Variants in FER observed in about 807,000 individuals in gnomAD.
FER encodes the protein tyrosine-protein kinase Fer.
A neutral mutation model predicts 111.0 loss-of-function variants in FER; 63 were observed. That is an observed-to-expected ratio of 0.57 (90% CI 0.46 to 0.70). The LOEUF (loss-of-function observed/expected upper bound fraction) is 0.70, where lower values mean the gene tolerates loss of function less well. Among genes scored for constraint, FER ranks in the 30% least tolerant of loss-of-function variants. The probability of loss-of-function intolerance (pLI) is 0.00; values close to 1 mark genes in which losing one functional copy is unlikely to be tolerated. For missense variants in FER, 914 were observed against 954.0 expected (o/e 0.96, Z 0.55); for synonymous variants, 327 against 313.9 (o/e 1.04, Z -0.44).
intron 13 of FER, among the ~76,000 whole-genome samples, chr5:108,989,793 C>T (rs935864290): frequency 6.6e-6 from 1 of 151,736 alleles, no homozygotes; most frequent in Non-Finnish European, 1.5e-5. Context: ...TTATAAAAAT[C>T]GTATGTGGTG....
intron 13 of FER, among the ~76,000 whole-genome samples, chr5:109,029,148 T>G (rs2149853969): frequency 6.6e-6 from 1 of 151,656 alleles, no homozygotes; most frequent in South Asian, 2.1e-4. Flanking sequence ...TAAACTTTCC[T>G]CACAGAGTTA....
chr5:108,972,921 C>T (rs1719091425), intron 13 of FER, among the ~76,000 whole-genome samples: 1 of 152,006 alleles, frequency 6.6e-6, no homozygotes, highest in South Asian at 2.1e-4. Context: ...GTGAGTTTTC[C>T]ATGTAGTTAC....
intron 17 of FER, among the ~76,000 whole-genome samples, chr5:109,137,263 A>T (rs955281105): frequency 6.6e-6 from 1 of 152,174 alleles, no homozygotes; most frequent in African/African-American, 2.4e-5. Context: ...TTTCCAGAAG[A>T]AAAAAGGATG....
At chr5:109,037,302 C>A in intron 13 of FER, 120 bp from the exon 14 acceptor site, 1 of 717,898 alleles carries the variant, frequency 1.4e-6, no homozygotes, top group Non-Finnish European at 2.4e-6. Flanking sequence ...TCTCAGTGTG[C>A]TGTTGATTGA....
rs1409491925 is a variant in FER at position 109,194,693 on chromosome 5, C to G, written c.*7118C>G. On this transcript the variant is annotated 3_prime_UTR_variant, in exon 20 of 20. Coordinates refer to ENST00000281092, the MANE Select transcript of FER (RefSeq NM_005246.4). ...GTATAGGACAGATATCAGTGGGAAA[C>G]GTCGGCGTTCTGAGCAACACAGGAT... 1 of 152,132 alleles carries G rather than the reference C, an allele frequency of 6.6e-6. No individual in the cohort carries two copies. Among genetic ancestry groups the G allele is most frequent in the East Asian group, 1.9e-4 (1 of 5,194 alleles). The allele number at this position is 152,132 out of a possible 1,614,324, so 9.4% of individuals were successfully genotyped here. A position where few individuals can be genotyped will look rare whatever the true frequency, so the allele number is the denominator to read the frequency against.
At chr5:109,030,741 T>G (rs560753793) in intron 13 of FER, among the ~76,000 whole-genome samples, 1 of 152,122 alleles carries the variant, frequency 6.6e-6, no homozygotes, top group African/African-American at 2.4e-5. Flanking sequence ...TGGGACCTTA[T>G]TGTGGTGGGA....
intron 12 of FER, among the ~76,000 whole-genome samples, chr5:108,956,192 T>C (rs1315599431): frequency 2.0e-5 from 3 of 151,710 alleles, no homozygotes; most frequent in Non-Finnish European, 3.0e-5. Context: ...GCAAACTCTT[T>C]TGTAATTTGT....
intron 17 of FER, among the ~76,000 whole-genome samples, chr5:109,112,544 A>G (rs147848644): frequency 4.3e-4 from 65 of 152,284 alleles, no homozygotes; most frequent in African/African-American, 1.4e-3. Context: ...AGAGATCACT[A>G]TGCCCGGAGG....
At chr5:108,946,323 T>C (rs1756982383) in intron 11 of FER, 101 bp downstream of exon 11, 7 of 735,472 alleles carry the variant, frequency 9.5e-6, no homozygotes, top group Non-Finnish European at 1.6e-5. Context: ...TGTGTATATA[T>C]ATGTATATAC....
intron 2 of FER, among the ~76,000 whole-genome samples, chr5:108,790,811 T>A (rs772692975): frequency 6.6e-6 from 1 of 152,192 alleles, no homozygotes; most frequent in Non-Finnish European, 1.5e-5. Context: ...CATTCCTAAT[T>A]TCACCCCACA....
chr5:109,115,158 C>T (rs1345012806), intron 17 of FER, among the ~76,000 whole-genome samples: 8 of 151,952 alleles, frequency 5.3e-5, no homozygotes, highest in Admixed American at 4.6e-4. Context: ...TCGTTAAATG[C>T]TTGTTGCTAA....
chr5:109,112,255 A>T lies in FER; in HGVS notation c.2048+11736A>T, dbSNP rs1295936760. ...ATTATCCAGTTGTAGATGAAGAGGGAGTTAGATACCAAGGTATATTAGAAA... is the reference window on the plus strand; with the variant it reads ...ATTATCCAGTTGTAGATGAAGAGGGTGTTAGATACCAAGGTATATTAGAAA... On this transcript the variant is annotated intron_variant, in intron 17 of 19. Coordinates refer to ENST00000281092, the MANE Select transcript of FER (RefSeq NM_005246.4). Among the ~76,000 whole-genome samples, 3 of 152,248 alleles carry T rather than the reference A, an allele frequency of 2.0e-5. No homozygotes were observed. In the East Asian group the frequency reaches 5.8e-4, roughly 29 times the overall value.
chr5:109,035,351 A>G (rs551409163), intron 13 of FER, among the ~76,000 whole-genome samples: 7 of 152,264 alleles, frequency 4.6e-5, no homozygotes, highest in African/African-American at 1.7e-4. Context: ...CTAGCATTAT[A>G]GATTGTCCTT....
At chr5:108,980,741 A>T (rs919316051) in intron 13 of FER, among the ~76,000 whole-genome samples, 1 of 152,160 alleles carries the variant, frequency 6.6e-6, no homozygotes, top group Non-Finnish European at 1.5e-5. Flanking sequence ...GAGCATTTTC[A>T]TTATTGTCAC....
intron 1 of FER, among the ~76,000 whole-genome samples, chr5:108,758,508 C>T (rs781246026): frequency 6.6e-6 from 1 of 152,174 alleles, no homozygotes; most frequent in East Asian, 1.9e-4. Flanking sequence ...CAGATAGACC[C>T]TCATGTAGGC....
chr5:108,782,115 CAG>C (rs1580489439), intron 2 of FER, among the ~76,000 whole-genome samples: 1 of 152,226 alleles, frequency 6.6e-6, no homozygotes, highest in East Asian at 1.9e-4. Flanking sequence ...CTGGTTCCTG[CAG>C]AGTTTTCTGC....
At chr5:108,989,207 C>T (rs2149741737) in intron 13 of FER, among the ~76,000 whole-genome samples, 1 of 152,022 alleles carries the variant, frequency 6.6e-6, no homozygotes, top group South Asian at 2.1e-4. Flanking sequence ...CTGAGTGTTA[C>T]TCGTCTTGTT....
At chr5:108,874,618 T>C (rs1051743987) in intron 8 of FER, among the ~76,000 whole-genome samples, 17 of 141,182 alleles carry the variant, frequency 1.2e-4, no homozygotes, top group African/African-American at 4.3e-4. Context: ...TCTTTCTTCC[T>C]TTTTTTTTTT....
chr5:108,854,441 CA>C lies in FER; in HGVS notation c.482-13321del, dbSNP rs1435235000. On this transcript the variant is annotated intron_variant, in intron 5 of 19. Transcript: ENST00000281092. Reference sequence around the variant, plus strand: ...TTGTTTACAGTTGTGAAAGCTGAAACAAAAAGTGGAGCCTAACTTTGTTCAA... The same window carrying C: ...TTGTTTACAGTTGTGAAAGCTGAAACAAAAGTGGAGCCTAACTTTGTTCAA... Among the ~76,000 whole-genome samples, 7 of 152,208 alleles carry C rather than the reference CA, an allele frequency of 4.6e-5. No homozygotes were observed. The South Asian group carries it at 8.3e-4, about 18-fold the overall frequency.
Sources: allele counts gnomAD v4.1 joint callset (sites outside exome capture counted in the v4.1 genomes callset), GRCh38; gene constraint gnomAD v4.1.1; transcripts MANE v1.5; gene names NCBI Gene and HGNC (gene_info 2026-07-23, HGNC 2026-07-21).